Variants in PCDH15 observed in about 807,000 individuals in gnomAD.
The protein encoded by PCDH15 is protocadherin-15.
In PCDH15, 129 loss-of-function variants were observed where a neutral mutation model predicts 178.5. The ratio of observed to expected loss-of-function variants is 0.72; its 90% CI spans 0.63 to 0.84. The LOEUF is 0.84. PCDH15 is among the 40% of genes least tolerant of loss of function. PCDH15 has a pLI of 0.00. For synonymous variants in PCDH15, 800 were observed against 732.0 expected (o/e 1.09, Z -1.50); for missense variants, 2,230 against 2,099.9 (o/e 1.06, Z -1.21).
intron 1 of PCDH15, among the ~76,000 whole-genome samples, chr10:55,204,942 A>G: frequency 6.6e-6 from 1 of 152,054 alleles, no homozygotes. Context: ...AAATCTATTA[A>G]ATAATTTTTA....
intron 2 of PCDH15, among the ~76,000 whole-genome samples, chr10:55,550,843 A>G (rs1841990525): frequency 6.6e-6 from 1 of 152,098 alleles, no homozygotes; most frequent in Non-Finnish European, 1.5e-5. Flanking sequence ...TTCAAGAACA[A>G]TTGCCCCTCC....
At chr10:55,542,440 T>C (rs537948206) in intron 2 of PCDH15, among the ~76,000 whole-genome samples, 1 of 151,130 alleles carries the variant, frequency 6.6e-6, no homozygotes, top group African/African-American at 2.4e-5. Flanking sequence ...CTACAGTATA[T>C]GTAATATATG....
intron 3 of PCDH15, among the ~76,000 whole-genome samples, chr10:54,831,988 T>C (rs1953233824): frequency 6.6e-6 from 1 of 151,038 alleles, no homozygotes; most frequent in Admixed American, 6.6e-5. Context: ...TAAATATTTG[T>C]ATGTCTATTT....
At chr10:54,090,198 C>G (rs2094577076) in intron 15 of PCDH15, 135 bp from the exon 16 acceptor site, 2 of 712,318 alleles carry the variant, frequency 2.8e-6, no homozygotes, top group South Asian at 3.2e-5. Flanking sequence ...AAAGCATGGC[C>G]TAATGGCAAG....
intron 7 of PCDH15, among the ~76,000 whole-genome samples, chr10:54,321,556 A>G (rs1481103389): frequency 2.6e-5 from 4 of 151,856 alleles, no homozygotes; most frequent in African/African-American, 9.7e-5. Context: ...AGCCTTCTTT[A>G]TATGTAATCA....
chr10:54,691,431 C>T (rs534131092), intron 1 of PCDH15, among the ~76,000 whole-genome samples: 16 of 152,128 alleles, frequency 1.1e-4, no homozygotes, highest in Middle Eastern at 3.4e-3. Flanking sequence ...AAATTTCCTT[C>T]AGTATTCCTA....
rs1589042472 is a variant in PCDH15 at position 55,454,751 on chromosome 10, C to T, written c.-156+172874G>A. On this transcript the variant is annotated intron_variant, in intron 2 of 5. Coordinates refer to the PCDH15 transcript ENST00000613346. ...AGTGAGCCGAGATTGCACCACTGCA[C>T]TCCAGCCTGGGCAACAGAGACTCTG... Among the ~76,000 whole-genome samples, 3 of 147,174 alleles carry T rather than the reference C, an allele frequency of 2.0e-5. No homozygotes were observed. The East Asian group carries it at 6.0e-4, about 29-fold the overall frequency.
chr10:54,164,210 T>C (rs2045984720), intron 13 of PCDH15, among the ~76,000 whole-genome samples: 1 of 152,168 alleles, frequency 6.6e-6, no homozygotes. Context: ...GTAAAATGTA[T>C]GATATGTAGG....
intron 1 of PCDH15, among the ~76,000 whole-genome samples, chr10:55,300,775 T>C (rs907232992): frequency 6.6e-6 from 1 of 152,186 alleles, no homozygotes. Flanking sequence ...ATGAGATAAC[T>C]GTAACTTCAA....
chr10:55,589,960 G>T (rs11004925), intron 2 of PCDH15, among the ~76,000 whole-genome samples: 36,128 of 131,814 alleles, frequency 0.27, 5,351 homozygotes, highest in East Asian at 0.43. Context: ...ATCCCATTAC[G>T]GGGTATATAC....
chr10:54,408,854 T>A (rs1248764664), intron 3 of PCDH15, among the ~76,000 whole-genome samples: 5 of 152,138 alleles, frequency 3.3e-5, no homozygotes, highest in Non-Finnish European at 7.4e-5. Flanking sequence ...AATGTTGGCA[T>A]CAGCTTTCTG....
intron 2 of PCDH15, among the ~76,000 whole-genome samples, chr10:54,904,664 C>T (rs140179322): frequency 6.6e-5 from 10 of 151,992 alleles, no homozygotes; most frequent in Non-Finnish European, 1.5e-4. Flanking sequence ...CATTTAGGTG[C>T]CTTGAGGAAA....
chr10:55,288,889 CTA>C (rs1842941581), intron 1 of PCDH15, among the ~76,000 whole-genome samples: 1 of 148,632 alleles, frequency 6.7e-6, no homozygotes, highest in African/African-American at 2.5e-5. Context: ...ATATATATAT[CTA>C]GAACTTGGAT....
chr10:54,931,591 G>A (rs1360984417), intron 2 of PCDH15, among the ~76,000 whole-genome samples: 3 of 152,182 alleles, frequency 2.0e-5, no homozygotes, highest in Admixed American at 6.6e-5. Flanking sequence ...AAATCTGTAA[G>A]TGGGTGGTAT....
intron 1 of PCDH15, among the ~76,000 whole-genome samples, chr10:54,722,819 C>T (rs1941856264): frequency 6.6e-6 from 1 of 151,354 alleles, no homozygotes; most frequent in African/African-American, 2.4e-5. Flanking sequence ...AATAAAATAC[C>T]TAGAGATACA....
In PCDH15 at chr10:54,136,782, T is replaced by C. The variant is rs542180917; in HGVS notation, c.1785-3775A>G. Among the ~76,000 whole-genome samples the C allele has an allele frequency of 7.2e-5, 11 of 152,314 alleles. No individual in the cohort carries two copies. In the East Asian group the frequency reaches 2.1e-3, roughly 29 times the overall value. On this transcript the variant is annotated intron_variant, in intron 14 of 37. Transcript: ENST00000644397. Reference sequence around the variant, plus strand: ...CACAGAGACAAATTTTAGCCCAACATGACCGTCTCCTTGATCCGTCCTTAC... The same window carrying C: ...CACAGAGACAAATTTTAGCCCAACACGACCGTCTCCTTGATCCGTCCTTAC...
chr10:55,049,201 G>A (rs539598952), intron 2 of PCDH15, among the ~76,000 whole-genome samples: 1 of 152,094 alleles, frequency 6.6e-6, no homozygotes, highest in Non-Finnish European at 1.5e-5. Context: ...TGTTCAGCTT[G>A]TGAATTGCAA....
intron 26 of PCDH15, among the ~76,000 whole-genome samples, chr10:53,887,716 C>T (rs1183675081): frequency 2.6e-5 from 4 of 152,032 alleles, no homozygotes; most frequent in African/African-American, 7.2e-5. Flanking sequence ...GGTGAAACCC[C>T]GTCTCTACTA....
At chr10:55,398,513 T>A (rs991921302) in intron 2 of PCDH15, among the ~76,000 whole-genome samples, 1 of 152,188 alleles carries the variant, frequency 6.6e-6, no homozygotes, top group African/African-American at 2.4e-5. Flanking sequence ...CTTTCCTCTT[T>A]TCTCTCTTGT....
Sources: gnomAD v4.1 joint callset for allele counts (sites outside exome capture counted in the v4.1 genomes callset) on GRCh38, gnomAD v4.1.1 for gene constraint, MANE v1.5 for transcripts, NCBI Gene and HGNC (gene_info 2026-07-23, HGNC 2026-07-21) for gene names.